The following PHACTR2 variants were observed in gnomAD, a reference collection of about 807,000 sequenced individuals.
PHACTR2 encodes phosphatase and actin regulator 2.
PHACTR2 carries 30 observed loss-of-function variants against 76.0 expected under a neutral mutation model. That is an observed-to-expected ratio of 0.39 (90% CI 0.30 to 0.54). PHACTR2 has a LOEUF of 0.54. Among genes scored for constraint, PHACTR2 ranks in the 20% least tolerant of loss-of-function variants. PHACTR2 has a pLI of 0.61. For missense variants in PHACTR2, 696 were observed against 781.1 expected (o/e 0.89, Z 1.30); for synonymous variants, 292 against 292.5 (o/e 1.00, Z 0.02).
At chr6:143,575,607 G>GT (rs1307166635) in intron 1 of PHACTR2, among the ~76,000 whole-genome samples, 1 of 152,216 alleles carries the variant, frequency 6.6e-6, no homozygotes, top group Non-Finnish European at 1.5e-5. Flanking sequence ...TGATGTTGGT[G>GT]CTTAATAGCT....
rs1005524249 is a variant in PHACTR2 at position 143,828,890 on chromosome 6, C to T, written c.*5201C>T. Reference sequence around the variant, plus strand: ...AAGCATTCCCCCAGGTTCAAATGCCCTCCCTGGGAGGTTGGTATCACCTCC... The same window carrying T: ...AAGCATTCCCCCAGGTTCAAATGCCTTCCCTGGGAGGTTGGTATCACCTCC... On this transcript the variant is annotated 3_prime_UTR_variant, in exon 13 of 13. Coordinates refer to ENST00000440869, the MANE Select transcript of PHACTR2 (RefSeq NM_001100164.2). The surrounding 1 kb of genome is among the most constrained non-coding windows in gnomAD (Gnocchi z 4.7). 5 of 152,200 alleles carry T rather than the reference C, an allele frequency of 3.3e-5. No homozygotes were observed. Among genetic ancestry groups the T allele is most frequent in the Admixed American group, 2.6e-4 (4 of 15,288 alleles). The allele number at this position is 152,200 out of a possible 1,614,324, so 9.4% of individuals were successfully genotyped here. A position where few individuals can be genotyped will look rare whatever the true frequency, so the allele number is the denominator to read the frequency against.
intron 1 of PHACTR2, among the ~76,000 whole-genome samples, chr6:143,670,348 T>C (rs1216720605): frequency 1.3e-5 from 2 of 152,148 alleles, no homozygotes; most frequent in Non-Finnish European, 2.9e-5. Flanking sequence ...AGGAGTGTCT[T>C]TGTGGTGTTC....
intron 11 of PHACTR2, among the ~76,000 whole-genome samples, chr6:143,799,252 T>C (rs1030172408): frequency 3.9e-5 from 6 of 152,214 alleles, no homozygotes; most frequent in Admixed American, 2.0e-4. Flanking sequence ...CATTTTTTAT[T>C]GCGTCTATTT....
intron 1 of PHACTR2, among the ~76,000 whole-genome samples, chr6:143,638,519 G>A (rs1776505784): frequency 6.6e-6 from 1 of 150,810 alleles, no homozygotes; most frequent in South Asian, 2.1e-4. Flanking sequence ...ACTCCAGCCT[G>A]GGCCACAGAG....
chr6:143,564,998 T>C (rs950014237), intron 1 of PHACTR2, among the ~76,000 whole-genome samples: 2 of 152,170 alleles, frequency 1.3e-5, no homozygotes, highest in African/African-American at 4.8e-5. Flanking sequence ...GTATAAAACA[T>C]TGATCACCAT....
chr6:143,563,564 A>AAACAAAC (rs1775314399), intron 1 of PHACTR2, among the ~76,000 whole-genome samples: 3 of 84,482 alleles, frequency 3.6e-5, no homozygotes, highest in Non-Finnish European at 8.4e-5. Context: ...AAAAAAAAAA[A>AAACAAAC]AAAAAAAGAA....
At chr6:143,725,621 G>T (rs1778547896) in intron 2 of PHACTR2, among the ~76,000 whole-genome samples, 2 of 151,626 alleles carry the variant, frequency 1.3e-5, no homozygotes, top group African/African-American at 4.8e-5. Context: ...TGGATCACGA[G>T]GTCAAGAGAT....
Position 143,801,236 on chromosome 6 carries a change from G to C in PHACTR2, c.1846-5821G>C, listed in dbSNP as rs1775947932. On this transcript the variant is annotated intron_variant, in intron 11 of 12. Transcript: ENST00000440869. The surrounding 1 kb of genome is among the most constrained non-coding windows in gnomAD (Gnocchi z 4.6). ...TTCTCTGTATTTCCTGAATTTGAAT[G>C]TTGGCCTCTCTTGCTAGGTTGGGGA... Among the ~76,000 whole-genome samples the C allele has an allele frequency of 6.6e-6, 1 of 152,134 alleles. No homozygotes were observed. The highest frequency in any genetic ancestry group is 6.6e-5 in the Admixed American group (1 of 15,262).
In PHACTR2 at chr6:143,592,079, G is replaced by A. The variant is rs1775698229; in HGVS notation, c.217+54872G>A. Among the ~76,000 whole-genome samples the A allele has an allele frequency of 6.6e-6, 1 of 152,160 alleles. No homozygotes were observed. The highest frequency in any genetic ancestry group is 2.4e-5 in the African/African-American group (1 of 41,432). On this transcript the variant is annotated intron_variant, in intron 1 of 11. Transcript: ENST00000367584. The surrounding 1 kb of genome is among the most constrained non-coding windows in gnomAD (Gnocchi z 4.0). The stretch of plus-strand genomic sequence containing the variant: ...GGGACAGACCTGGTGGTGCTCTGAG[G>A]AGTGGGTGCTTCAGGCCAGGAGCCA...
At position 143,662,266 on chromosome 6, in the gene PHACTR2, TA is replaced by T. The variant is rs1159121368; in HGVS notation, c.14-49748del. Among the ~76,000 whole-genome samples the T allele has an allele frequency of 6.6e-6, 1 of 152,226 alleles. No homozygotes were observed. Among genetic ancestry groups the T allele is most frequent in the African/African-American group, 2.4e-5 (1 of 41,458 alleles). Reference sequence around the variant, plus strand: ...TTTACTTGGAGGCATTTCTTAGATTTAAGTTCTAATAAAACTAAGTGTGTTT... The same window carrying T: ...TTTACTTGGAGGCATTTCTTAGATTTAGTTCTAATAAAACTAAGTGTGTTT... On this transcript the variant is annotated intron_variant, in intron 1 of 11. Coordinates refer to the PHACTR2 transcript ENST00000305766. The surrounding 1 kb of genome is among the most constrained non-coding windows in gnomAD (Gnocchi z 4.7).
intron 1 of PHACTR2, among the ~76,000 whole-genome samples, chr6:143,651,227 C>G (rs1348101093): frequency 3.9e-5 from 6 of 152,096 alleles, no homozygotes; most frequent in African/African-American, 1.4e-4. Flanking sequence ...AAGGAACACT[C>G]TTACACTCTT....
intron 2 of PHACTR2, among the ~76,000 whole-genome samples, chr6:143,724,353 C>G (rs1186788031): frequency 1.3e-5 from 2 of 152,026 alleles, no homozygotes; most frequent in Admixed American, 6.6e-5. Context: ...AGGATGGTCT[C>G]GATCTCCCGA....
intron 1 of PHACTR2, among the ~76,000 whole-genome samples, chr6:143,660,222 ATACCCAAG>A (rs1468945025): frequency 2.6e-5 from 4 of 151,210 alleles, no homozygotes; most frequent in African/African-American, 9.8e-5. Context: ...TGATAAAGAC[ATACCCAAG>A]ACCGAGCAAT....
intron 1 of PHACTR2, among the ~76,000 whole-genome samples, chr6:143,637,101 C>T (rs1262851814): frequency 1.3e-5 from 2 of 151,986 alleles, no homozygotes; most frequent in Admixed American, 6.6e-5. Flanking sequence ...GATGGAGTGT[C>T]CAGGGGTTGC....
Position 143,616,805 on chromosome 6 carries a change from A to G in PHACTR2, c.13+8483A>G, listed in dbSNP as rs1776065168. Among the ~76,000 whole-genome samples, 1 of 152,066 alleles carries G rather than the reference A, an allele frequency of 6.6e-6. No homozygotes were observed. Among genetic ancestry groups the G allele is most frequent in the Non-Finnish European group, 1.5e-5 (1 of 68,028 alleles). On this transcript the variant is annotated intron_variant, in intron 1 of 11. Transcript: ENST00000305766. This position sits in a 1 kb window ranked among gnomAD's most constrained non-coding sequence, Gnocchi z 4.9. ...GGTAGTCAGAGAAAGCTTCCTAAGG[A>G]GGTGGCATGCAGGCTGAGGCCTAAG...
intron 5 of PHACTR2, among the ~76,000 whole-genome samples, chr6:143,762,842 T>G (rs945044298): frequency 6.6e-6 from 1 of 152,252 alleles, no homozygotes; most frequent in Non-Finnish European, 1.5e-5. Context: ...TTACACATTA[T>G]TAACAACAAA....
rs758405455 is a variant in PHACTR2 at position 143,550,767 on chromosome 6, G to A, written c.217+13560G>A. 2.0e-5 allele frequency among the ~76,000 whole-genome samples: 3 copies of A among 151,808 alleles called. No individual in the cohort carries two copies. The highest frequency in any genetic ancestry group is 2.1e-4 in the South Asian group (1 of 4,818). ...ACAAACAAAGATTAGGGGCGAGTGC[G>A]GTGGCTCACGCCTGTAATCCTAGCA... is the stretch of plus-strand genomic sequence containing the variant. On this transcript the variant is annotated intron_variant, in intron 1 of 11. Transcript: ENST00000367584. The surrounding 1 kb of genome is among the most constrained non-coding windows in gnomAD (Gnocchi z 4.8).
At position 143,767,485 on chromosome 6, in the gene PHACTR2, G is replaced by A. The variant is rs1468863580; in HGVS notation, c.1232+1687G>A. Among the ~76,000 whole-genome samples, 1 of 152,122 alleles carries A rather than the reference G, an allele frequency of 6.6e-6. No homozygotes were observed. The highest frequency in any genetic ancestry group is 1.5e-5 in the Non-Finnish European group (1 of 68,026). On this transcript the variant is annotated intron_variant, in intron 6 of 12. Transcript: ENST00000440869. This position sits in a 1 kb window ranked among gnomAD's most constrained non-coding sequence, Gnocchi z 4.4. ...TTTGACATTTTAATAAAAGATATGG[G>A]AAAAGAAGATTTATTGAAATGAACG...
chr6:143,701,667 T>C (rs1314914804), intron 1 of PHACTR2, among the ~76,000 whole-genome samples: 1 of 152,252 alleles, frequency 6.6e-6, no homozygotes, highest in Non-Finnish European at 1.5e-5. Flanking sequence ...GCTTACCAGC[T>C]GTGGGATCTT....
Sources: allele counts gnomAD v4.1 joint callset (sites outside exome capture counted in the v4.1 genomes callset), GRCh38; gene constraint gnomAD v4.1.1; non-coding constraint Gnocchi (gnomAD v3.1); transcripts MANE v1.5; gene names NCBI Gene and HGNC (gene_info 2026-07-23, HGNC 2026-07-21).